Variants in ARHGAP32 observed in about 807,000 individuals in gnomAD.
ARHGAP32 encodes Rho GTPase activating protein 32.
Under a neutral mutation model 186.5 loss-of-function variants are expected in ARHGAP32, and 51 were observed. That is an observed-to-expected ratio of 0.27 (90% CI 0.22 to 0.35). ARHGAP32 has a LOEUF of 0.35. Ranked by LOEUF, ARHGAP32 falls within the 10% of genes least tolerant of loss-of-function variation. The pLI, the probability that ARHGAP32 is intolerant of heterozygous loss-of-function variation, is 1.00. For missense variants in ARHGAP32, 2,186 were observed against 2,623.5 expected, an observed-to-expected ratio of 0.83 and a Z score of 3.64; for synonymous variants, 950 against 964.3, an observed-to-expected ratio of 0.99 and a Z score of 0.27.
chr11:129,252,355 G>A (rs1198376658), intron 1 of ARHGAP32, among the ~76,000 whole-genome samples: 1 of 152,138 alleles, frequency 6.6e-6, no homozygotes, highest in Non-Finnish European at 1.5e-5. Flanking sequence ...CTGTTTTCAG[G>A]ACAATGGGTA....
rs186286854 is a variant in ARHGAP32, at chr11:129,248,111, G to A, written c.-5+31035C>T. On this transcript the variant is annotated intron_variant, in intron 1 of 6. Coordinates refer to the ARHGAP32 transcript ENST00000525234. ...GCAGATCACGAGGTCAGGAGATCGA[G>A]ACCATCCTGGCTAACACGGTGAAAC... 2.9e-3 allele frequency among the ~76,000 whole-genome samples: 442 copies of A among 150,628 alleles called. 2 individuals carry two copies. Among genetic ancestry groups the A allele is most frequent in the South Asian group, 5.7e-3 (27 of 4,778 alleles).
At chr11:128,995,380 ATT>A (rs954591255) in intron 12 of ARHGAP32, among the ~76,000 whole-genome samples, 1 of 151,726 alleles carries the variant, frequency 6.6e-6, no homozygotes, top group Non-Finnish European at 1.5e-5. Flanking sequence ...CTCGTTTTGT[ATT>A]TTTTTCTGTA....
At chr11:128,989,320 T>C (rs1161251990) in intron 12 of ARHGAP32, among the ~76,000 whole-genome samples, 1 of 152,064 alleles carries the variant, frequency 6.6e-6, no homozygotes, top group Non-Finnish European at 1.5e-5. Flanking sequence ...CTAAGTACTT[T>C]ACAATGCATA....
intron 6 of ARHGAP32, among the ~76,000 whole-genome samples, chr11:129,074,301 A>G (rs1940968351): frequency 6.6e-6 from 1 of 152,130 alleles, no homozygotes; most frequent in East Asian, 1.9e-4. Context: ...AGGTATGTGT[A>G]TATGTATATA....
chr11:129,093,345 AG>A (rs1177778368), intron 6 of ARHGAP32, among the ~76,000 whole-genome samples: 1 of 152,126 alleles, frequency 6.6e-6, no homozygotes, highest in Middle Eastern at 3.2e-3. Context: ...CAAAAGCCTT[AG>A]GAACTTTCTA....
At chr11:129,104,313 T>C (rs749449817) in intron 5 of ARHGAP32, among the ~76,000 whole-genome samples, 20 of 152,058 alleles carry the variant, frequency 1.3e-4, no homozygotes, top group Non-Finnish European at 2.5e-4. Flanking sequence ...TATTTAATTA[T>C]GAAAGATGAA....
intron 1 of ARHGAP32, among the ~76,000 whole-genome samples, chr11:129,190,492 A>T (rs1459608508): frequency 1.3e-5 from 2 of 152,248 alleles, no homozygotes; most frequent in Non-Finnish European, 2.9e-5. Flanking sequence ...TCCTTAAACA[A>T]CACATCACTA....
intron 11 of ARHGAP32, among the ~76,000 whole-genome samples, chr11:129,036,587 G>A (rs947751410): frequency 6.6e-6 from 1 of 152,094 alleles, no homozygotes; most frequent in Non-Finnish European, 1.5e-5. Context: ...GAAATTAAAT[G>A]TTTGATGTTG....
At chr11:129,205,938 T>G (rs1035237785) in intron 1 of ARHGAP32, among the ~76,000 whole-genome samples, 2 of 152,110 alleles carry the variant, frequency 1.3e-5, no homozygotes, top group Non-Finnish European at 2.9e-5. Context: ...CAAAAGTATA[T>G]ATAATAGAAT....
rs370907229 is a variant in ARHGAP32 at position 129,048,350 on chromosome 11, C to T, written c.964-7341G>A. 1.3e-3 allele frequency among the ~76,000 whole-genome samples: 205 copies of T among 152,164 alleles called. 3 individuals are homozygous for T. The highest frequency in any genetic ancestry group is 4.6e-3 in the African/African-American group (193 of 41,530). On this transcript the variant is annotated intron_variant, in intron 10 of 22. Transcript: ENST00000682385. ...AATAAGAAGGCAGTCCAACACCAAA[C>T]GTCAGAGGTCTAGTAGAGGAGGGTG...
At chr11:129,170,779 C>T (rs1171387531) in intron 1 of ARHGAP32, among the ~76,000 whole-genome samples, 1 of 152,190 alleles carries the variant, frequency 6.6e-6, no homozygotes, top group Non-Finnish European at 1.5e-5. Flanking sequence ...AATTTACATT[C>T]CCACCAACAG....
rs1054733923 is a variant in ARHGAP32, at chr11:128,974,010, C to T, written c.3073+114G>A. The T allele has an allele frequency of 5.4e-6, 7 of 1,301,418 alleles. No homozygotes were observed. The African/African-American group carries it at 1.0e-4, about 19-fold the overall frequency. 80.6% of individuals were successfully genotyped at this position (1,301,418 alleles called of 1,614,324 possible). On this transcript the variant is annotated intron_variant, in intron 21 of 22. Coordinates refer to ENST00000682385, the MANE Select transcript of ARHGAP32 (RefSeq NM_001378024.1). Reference sequence around the variant, plus strand: ...CATCAGCACCACCCAGAAAAGCATTCTCTTTGATTAAAGGCTAGCTGTGGA... The same window carrying T: ...CATCAGCACCACCCAGAAAAGCATTTTCTTTGATTAAAGGCTAGCTGTGGA...
At chr11:129,086,971 C>T (rs1941427786) in intron 6 of ARHGAP32, among the ~76,000 whole-genome samples, 1 of 152,090 alleles carries the variant, frequency 6.6e-6, no homozygotes, top group Non-Finnish European at 1.5e-5. Flanking sequence ...GACAGATATA[C>T]AGATGGTTAA....
intron 1 of ARHGAP32, among the ~76,000 whole-genome samples, chr11:129,229,601 G>A (rs1351138539): frequency 6.6e-6 from 1 of 152,114 alleles, no homozygotes; most frequent in Non-Finnish European, 1.5e-5. Context: ...AGGCTGAAAA[G>A]TCTATAGAGC....
At chr11:129,092,730 C>A (rs548139432) in intron 6 of ARHGAP32, among the ~76,000 whole-genome samples, 4 of 152,012 alleles carry the variant, frequency 2.6e-5, no homozygotes, top group Middle Eastern at 3.4e-3. Context: ...ATATCACACA[C>A]GATGAAAGCA....
chr11:129,165,937 A>G (rs543951520), intron 1 of ARHGAP32, among the ~76,000 whole-genome samples: 7 of 152,100 alleles, frequency 4.6e-5, no homozygotes, highest in Non-Finnish European at 1.0e-4. Flanking sequence ...CATAAGAAGA[A>G]TTTAGTTAAA....
At chr11:129,189,671 A>G (rs1226693235) in intron 1 of ARHGAP32, among the ~76,000 whole-genome samples, 1 of 152,248 alleles carries the variant, frequency 6.6e-6, no homozygotes, top group Non-Finnish European at 1.5e-5. Context: ...CTGTGAGTCA[A>G]TGGCAGACAA....
At chr11:129,089,125 A>G (rs918547702) in intron 6 of ARHGAP32, among the ~76,000 whole-genome samples, 1 of 152,142 alleles carries the variant, frequency 6.6e-6, no homozygotes, top group Non-Finnish European at 1.5e-5. Flanking sequence ...AAATATCCCA[A>G]CATATGTAGG....
intron 21 of ARHGAP32, chr11:128,973,677 G>A (rs1945460110): frequency 1.8e-6 from 1 of 548,718 alleles, no homozygotes; most frequent in Non-Finnish European, 3.2e-6. Flanking sequence ...AGATGGGGGG[G>A]AAAAAAAGCA....
Sources: allele counts gnomAD v4.1 joint callset (sites outside exome capture counted in the v4.1 genomes callset), GRCh38; gene constraint gnomAD v4.1.1; transcripts MANE v1.5; gene names NCBI Gene and HGNC (gene_info 2026-07-23, HGNC 2026-07-21).